NPIPB15: variants seen among roughly 807,000 people sequenced by gnomAD.
The protein encoded by NPIPB15 is nuclear pore complex-interacting protein family member B15.
A neutral mutation model predicts 35.9 loss-of-function variants in NPIPB15; 5 were observed. The observed-to-expected ratio is 0.14, with a 90% CI of 0.07 to 0.29. The LOEUF is 0.29. NPIPB15 is among the 10% of genes least tolerant of loss of function. The pLI, the probability that NPIPB15 is intolerant of heterozygous loss-of-function variation, is 1.00. For synonymous variants in NPIPB15, 43 were observed against 182.0 expected, an observed-to-expected ratio of 0.24 and a Z score of 6.15; for missense variants, 100 against 506.1, an observed-to-expected ratio of 0.20 and a Z score of 7.70.
chr16:74,389,164 T>C (rs1426597685), intron 5 of NPIPB15, among the ~76,000 whole-genome samples: 2 of 136,210 alleles, frequency 1.5e-5, no homozygotes, highest in African/African-American at 5.6e-5. Context: ...TGCCTGTTTA[T>C]AAGCCCAGCT....
rs1449721128 is a variant in NPIPB15, at chr16:74,381,596, C to T, written c.147C>T (p.Gly49=). The change falls in exon 3 of 8, where the codon GGC becomes GGT. Residue 49 remains glycine (G), a synonymous_variant. Coordinates refer to ENST00000692376, the MANE Select transcript of NPIPB15 (RefSeq NM_001306094.2). ...VGVRDHPGQH[G]KTPSPQKLDN... ...TTCGAGACCACCCTGGCCAACATGG[C>T]AAAACCCCATCTCCACAAAAATTGG... 1.3e-6 allele frequency: 2 copies of T among 1,567,770 alleles called. No homozygotes were observed. Among genetic ancestry groups the T allele is most frequent in the Non-Finnish European group, 1.7e-6 (2 of 1,162,050 alleles).
At chr16:74,379,883 C>T (rs573713001) in intron 2 of NPIPB15, among the ~76,000 whole-genome samples, 78 of 152,064 alleles carry the variant, frequency 5.1e-4, no homozygotes, top group African/African-American at 1.7e-3. Flanking sequence ...CCACCACACC[C>T]GGCCCACCTT....
chr16:74,388,865 TG>T (rs1203589887), intron 5 of NPIPB15: 1 of 958,312 alleles, frequency 1.0e-6, no homozygotes, highest in Admixed American at 6.5e-5. Context: ...ATTGGAGTGT[TG>T]TTTATAACCT....
intron 5 of NPIPB15, among the ~76,000 whole-genome samples, chr16:74,387,699 A>G (rs866592718): frequency 2.0e-5 from 3 of 152,120 alleles, no homozygotes; most frequent in Middle Eastern, 3.4e-3. Flanking sequence ...CATTCTCAGC[A>G]CCACACCACA....
In NPIPB15 at chr16:74,384,668, A is replaced by ATTTT. The variant is rs1186582416; in HGVS notation, c.250-648_250-645dup. ...AGGCGTGAGCTACCGCACCTGGCCT[A>ATTTT]TTTTTTTTTTTTTTTTTTTTTTTTT... is the stretch of plus-strand genomic sequence containing the variant. On this transcript the variant is annotated intron_variant, in intron 3 of 7. Coordinates refer to ENST00000692376, the MANE Select transcript of NPIPB15 (RefSeq NM_001306094.2). Among the ~76,000 whole-genome samples, 194 of 61,558 alleles carry ATTTT rather than the reference A, an allele frequency of 3.2e-3. 32 individuals carry two copies. The highest frequency in any genetic ancestry group is 8.7e-3 in the East Asian group (13 of 1,500). The allele number at this position is 61,558 out of a possible 152,430, so 40.4% of individuals were successfully genotyped here.
At chr16:74,386,183 C>T (rs1210241423) in intron 5 of NPIPB15, among the ~76,000 whole-genome samples, 1 of 125,324 alleles carries the variant, frequency 8.0e-6, no homozygotes, top group African/African-American at 3.0e-5. Context: ...TGGGGTTTCA[C>T]CATGTTGTCC....
intron 2 of NPIPB15, among the ~76,000 whole-genome samples, chr16:74,379,416 A>G (rs2011859627): frequency 6.6e-6 from 1 of 152,168 alleles, no homozygotes; most frequent in Non-Finnish European, 1.5e-5. Context: ...TTTCAAGAAT[A>G]TATAGTTAAA....
At chr16:74,379,043 G>A (rs1382278793) in intron 2 of NPIPB15, among the ~76,000 whole-genome samples, 5 of 152,184 alleles carry the variant, frequency 3.3e-5, no homozygotes, top group African/African-American at 9.7e-5. Context: ...CAGGTGATCC[G>A]CCCGCCTTGG....
intron 3 of NPIPB15, among the ~76,000 whole-genome samples, chr16:74,382,923 T>C (rs1286323448): frequency 3.4e-5 from 5 of 148,988 alleles, no homozygotes; most frequent in South Asian, 4.3e-4. Flanking sequence ...TTTTTTTTTT[T>C]TTTTCTTTTC....
At chr16:74,386,290 T>TTTC (rs1555500893) in intron 5 of NPIPB15, among the ~76,000 whole-genome samples, 1,860 of 137,652 alleles carry the variant, frequency 0.014, 65 homozygotes, top group African/African-American at 0.047. Flanking sequence ...CAGCCTTTTT[T>TTTC]TTTTTTTTTT....
rs796683913 is a variant in NPIPB15, at chr16:74,377,360, C to T, written c.-23+14C>T. On this transcript the variant is annotated intron_variant, in intron 1 of 7. Coordinates refer to ENST00000692376, the MANE Select transcript of NPIPB15 (RefSeq NM_001306094.2). Reference sequence around the variant, plus strand: ...ACCAGAAATCAGGTTTGTGAAGGTTCCAGAGAGGACCTGTCCTTGCGAGGA... The same window carrying T: ...ACCAGAAATCAGGTTTGTGAAGGTTTCAGAGAGGACCTGTCCTTGCGAGGA... 5.4e-3 allele frequency among the ~76,000 whole-genome samples: 819 copies of T among 150,442 alleles called. No individual in the cohort carries two copies. The highest frequency in any genetic ancestry group is 0.014 in the South Asian group (67 of 4,730).
intron 5 of NPIPB15, among the ~76,000 whole-genome samples, chr16:74,386,919 TCA>T (rs373953837): frequency 0.085 from 11,978 of 141,642 alleles, 191 homozygotes; most frequent in Admixed American, 0.19. Context: ...AGATTCATTT[TCA>T]CAGTCTTTCA....
intron 2 of NPIPB15, among the ~76,000 whole-genome samples, chr16:74,380,760 G>C (rs879541726): frequency 9.2e-3 from 1,386 of 149,912 alleles, no homozygotes; most frequent in Non-Finnish European, 0.015. Context: ...AGAGGCAGAG[G>C]TTGCAGTGAG....
chr16:74,382,906 CTT>C (rs1207851456), intron 3 of NPIPB15, among the ~76,000 whole-genome samples: 6,020 of 113,434 alleles, frequency 0.053, 110 homozygotes, highest in Non-Finnish European at 0.061. Flanking sequence ...TTGGAGGAAG[CTT>C]TTTTTTTTTT....
chr16:74,384,990 CTTGTGT>C (rs2012188594), intron 3 of NPIPB15, among the ~76,000 whole-genome samples: 2 of 86,750 alleles, frequency 2.3e-5, no homozygotes, highest in South Asian at 4.6e-4. Context: ...TCATGTCATT[CTTGTGT>C]GTGTGTGTGT....
chr16:74,384,203 G>A (rs2012137173), intron 3 of NPIPB15, among the ~76,000 whole-genome samples: 1 of 98,814 alleles, frequency 1.0e-5, no homozygotes. Flanking sequence ...GATCAGGAAG[G>A]AGCAGGGGGT....
chr16:74,389,354 G>A (rs2012430054), intron 5 of NPIPB15, among the ~76,000 whole-genome samples: 1 of 150,428 alleles, frequency 6.6e-6, no homozygotes, highest in Non-Finnish European at 1.5e-5. Flanking sequence ...GTTTGGATCA[G>A]ACCGTACAGT....
Position 74,390,003 on chromosome 16 carries a change from T to C in NPIPB15, c.615T>C (p.Pro205=), listed in dbSNP as rs1252004722. 1.3e-6 allele frequency: 2 copies of C among 1,597,132 alleles called. No individual in the cohort carries two copies. The part of the protein sequence containing the change: ...AEDYHKCKIP[P]SARKPLCNWV... Reference sequence around the variant, plus strand: ...TGTGTTGGCTTTTTCAGATCCCCCCTTCTGCAAGAAAGCCTCTTTGCAACT... The same window carrying C: ...TGTGTTGGCTTTTTCAGATCCCCCCCTCTGCAAGAAAGCCTCTTTGCAACT... The change falls in exon 7 of 8, where the codon CCT becomes CCC. Residue 205 remains proline, a synonymous_variant. Transcript: ENST00000692376.
At chr16:74,385,171 G>C (rs1431888716) in intron 3 of NPIPB15, among the ~76,000 whole-genome samples, 171 bp from the exon 4 acceptor site, 3 of 149,828 alleles carry the variant, frequency 2.0e-5, no homozygotes, top group Non-Finnish European at 4.4e-5. Flanking sequence ...CCGCTGCCAT[G>C]CCTGGCTAAT....
Sources: allele counts gnomAD v4.1 joint callset (sites outside exome capture counted in the v4.1 genomes callset), GRCh38; gene constraint gnomAD v4.1.1; transcripts MANE v1.5; gene names NCBI Gene and HGNC (gene_info 2026-07-23, HGNC 2026-07-21).